Variants in ELAC2 observed in about 807,000 individuals in gnomAD.
ELAC2 encodes zinc phosphodiesterase ELAC protein 2.
Under a neutral mutation model 105.2 loss-of-function variants are expected in ELAC2, and 92 were observed. The observed-to-expected ratio is 0.87, with a 90% CI of 0.74 to 1.04. ELAC2 has a LOEUF of 1.04. ELAC2 is among the 50% of genes least tolerant of loss of function. The pLI is 0.00. For synonymous variants in ELAC2, 468 were observed against 409.1 expected (o/e 1.14, Z -1.74); for missense variants, 1,099 against 1,071.7 (o/e 1.03, Z -0.36).
chr17:13,013,092 T>C (rs912873710), intron 6 of ELAC2, 115 bp downstream of exon 6: 15 of 1,200,502 alleles, frequency 1.2e-5, no homozygotes, highest in Non-Finnish European at 1.7e-5. Flanking sequence ...TTTCTAATCA[T>C]GCTCAGAACA....
At position 13,002,540 on chromosome 17, in the gene ELAC2, G is replaced by T. The variant is rs1817778288; in HGVS notation, c.1119C>A (p.Asn373Lys). 8 of 1,605,864 alleles carry T rather than the reference G, an allele frequency of 5.0e-6. No homozygotes were observed. The highest frequency in any genetic ancestry group is 6.8e-6 in the Non-Finnish European group (8 of 1,175,508). ...PDTQHLVLNENCASVHNLRSH... is the reference protein window; with the variant it reads ...PDTQHLVLNEKCASVHNLRSH... ...TGCGAAGGTTGTGAACTGAGGCACA[G>T]TTCTCATTCAGGACCAAGTGCTGGG... is the stretch of plus-strand genomic sequence containing the variant. The change falls in exon 13 of 24, where the codon AAC (asparagine) becomes AAA (lysine). Residue 373 changes from asparagine (N) to lysine (K), a missense_variant. Transcript: ENST00000338034.
intron 19 of ELAC2, among the ~76,000 whole-genome samples, chr17:12,995,328 C>T (rs978724419): frequency 6.6e-6 from 1 of 152,162 alleles, no homozygotes; most frequent in Non-Finnish European, 1.5e-5. Flanking sequence ...GGACTCCTTC[C>T]CCTTGGGGTG....
Position 13,011,874 on chromosome 17 carries a change from C to T in ELAC2, c.560-92G>A, listed in dbSNP as rs2041435388. On this transcript the variant is annotated intron_variant, in intron 6 of 23. Coordinates refer to ENST00000338034, the MANE Select transcript of ELAC2 (RefSeq NM_018127.7). ...TTCATACATGGGAATGCCAGAACGC[C>T]AATTAAATCAGCACACCTTTTACTA... 9 of 1,589,342 alleles carry T rather than the reference C, an allele frequency of 5.7e-6. No individual in the cohort carries two copies. The South Asian group carries it at 1.0e-4, about 18-fold the overall frequency.
rs201299924 is a variant in ELAC2 at position 12,993,802 on chromosome 17, A to G, written c.2138T>C (p.Met713Thr). ...STTSQAISVG[M>T]RMNAEFIMLN... ...CATAATGAACTCCGCGTTCATCCGCATCCCCACGCTGATGGCTTGGGACGT... is the reference window on the plus strand; with the variant it reads ...CATAATGAACTCCGCGTTCATCCGCGTCCCCACGCTGATGGCTTGGGACGT... Residue 713 changes from methionine (M) to threonine (T), a missense_variant, in exon 23 of 24, where the codon ATG becomes ACG. By Grantham distance (81) the Met-to-Thr change is moderately conservative (BLOSUM62 -1). Coordinates refer to ENST00000338034, the MANE Select transcript of ELAC2 (RefSeq NM_018127.7). The G allele has an allele frequency of 1.2e-6, 2 of 1,614,188 alleles. No homozygotes were observed. Among genetic ancestry groups the G allele is most frequent in the East Asian group, 2.2e-5 (1 of 44,874 alleles).
rs761410635 is a variant in ELAC2 at position 12,992,992 on chromosome 17, G to A, written c.2307C>T (p.Ala769=). ...TMPKLIPPLK[A]LFAGDIEEME... Reference sequence around the variant, plus strand: ...TCTCCTCGATGTCGCCAGCAAACAGGGCTTTCAGTGGGGGAATCAGCTTGG... The same window carrying A: ...TCTCCTCGATGTCGCCAGCAAACAGAGCTTTCAGTGGGGGAATCAGCTTGG... Residue 769 remains alanine (A), a synonymous_variant, in exon 24 of 24, where the codon GCC becomes GCT. Transcript: ENST00000338034. The A allele has an allele frequency of 2.5e-6, 4 of 1,607,114 alleles. No individual in the cohort carries two copies. The South Asian group carries it at 3.3e-5, about 13-fold the overall frequency.
At chr17:12,996,029 T>G (rs1408661969) in intron 17 of ELAC2, 51 bp from the exon 18 acceptor site, 4 of 1,557,432 alleles carry the variant, frequency 2.6e-6, no homozygotes, top group Non-Finnish European at 3.5e-6. Flanking sequence ...GGCCATCCCC[T>G]CCGGGTTAGG....
chr17:12,996,541 A>T lies in ELAC2; in HGVS notation c.1659+6T>A. 6.2e-7 allele frequency: 1 copy of T among 1,613,732 alleles called. No individual in the cohort carries two copies. Among genetic ancestry groups the T allele is most frequent in the East Asian group, 2.2e-5 (1 of 44,872 alleles). On this transcript the variant is annotated splice_donor_region_variant and intron_variant, in intron 17 of 23. Coordinates refer to ENST00000338034, the MANE Select transcript of ELAC2 (RefSeq NM_018127.7). ...CTCCAGCTTTGTGGTCCAGCCCAAC[A>T]CTCACCGTGTGGTGATCTGCGTGCA... is the stretch of plus-strand genomic sequence containing the variant.
At chr17:13,011,631 T>C (rs2041416475) in intron 7 of ELAC2, 32 bp downstream of exon 7, 3 of 1,614,014 alleles carry the variant, frequency 1.9e-6, no homozygotes, top group Non-Finnish European at 2.5e-6. Context: ...AACGCAAGCC[T>C]TTCTGCTGCT....
intron 15 of ELAC2, 129 bp downstream of exon 15, chr17:13,000,027 A>C: frequency 1.2e-6 from 1 of 800,926 alleles, no homozygotes; most frequent in Non-Finnish European, 2.1e-6. Flanking sequence ...AGAGCTGAGT[A>C]GAGAAGCCCT....
chr17:13,016,971 A>T lies in ELAC2; in HGVS notation c.297-39T>A, dbSNP rs753395825. The T allele has an allele frequency of 3.1e-6, 5 of 1,613,426 alleles. No individual in the cohort carries two copies. The South Asian group carries it at 5.5e-5, about 18-fold the overall frequency. On this transcript the variant is annotated intron_variant, in intron 2 of 23. Coordinates refer to ENST00000338034, the MANE Select transcript of ELAC2 (RefSeq NM_018127.7). ...AACATTTAAACAGGATAACATGAAC[A>T]GAACAAGGACCACTTTTGCTATAAA...
At position 13,004,193 on chromosome 17, in the gene ELAC2, G is replaced by A. The variant is rs566078957; in HGVS notation, c.984-619C>T. 4.4e-5 allele frequency: 7 copies of A among 157,866 alleles called. No individual in the cohort carries two copies. The South Asian group carries it at 1.3e-3, about 29-fold the overall frequency. 9.8% of individuals were successfully genotyped at this position (157,866 alleles called of 1,614,324 possible). ...GCTCTCAAATGACACCTGATTCATTGAAGAGGTTTTGCTGCCCAAAACTGG... is the reference window on the plus strand; with the variant it reads ...GCTCTCAAATGACACCTGATTCATTAAAGAGGTTTTGCTGCCCAAAACTGG... On this transcript the variant is annotated intron_variant, in intron 11 of 23. Transcript: ENST00000338034.
In ELAC2 at chr17:12,992,804, G is replaced by A. The variant is rs1325772249; in HGVS notation, c.*14C>T. 3 of 1,611,362 alleles carry A rather than the reference G, an allele frequency of 1.9e-6. No individual in the cohort carries two copies. Among genetic ancestry groups the A allele is most frequent in the East Asian group, 2.2e-5 (1 of 44,852 alleles). On this transcript the variant is annotated 3_prime_UTR_variant, in exon 24 of 24. Transcript: ENST00000338034. Reference sequence around the variant, plus strand: ...AAGACACACAGCCTTCTGAGTTCAGGGTCTCCCAGATCTTCACTGGGCTCT... The same window carrying A: ...AAGACACACAGCCTTCTGAGTTCAGAGTCTCCCAGATCTTCACTGGGCTCT...
intron 18 of ELAC2, 26 bp from the exon 19 acceptor site, chr17:12,995,838 C>A (rs1359736382): frequency 3.1e-6 from 5 of 1,595,756 alleles, no homozygotes; most frequent in Non-Finnish European, 3.4e-6. Context: ...CAAGTGCCGA[C>A]TCGACGACAG....
At chr17:13,002,205 A>T in intron 14 of ELAC2, 69 bp downstream of exon 14, 1 of 1,514,958 alleles carries the variant, frequency 6.6e-7, no homozygotes, top group Non-Finnish European at 9.1e-7. Flanking sequence ...AACATTTACT[A>T]TGTGGCTATT....
chr17:13,000,131 G>A, intron 15 of ELAC2, 25 bp downstream of exon 15: 1 of 1,600,866 alleles, frequency 6.2e-7, no homozygotes, highest in East Asian at 2.2e-5. Flanking sequence ...AGGAAAGAAA[G>A]GCTGCTCTGT....
chr17:13,002,401 A>G, intron 13 of ELAC2, 40 bp downstream of exon 13: 1 of 1,614,116 alleles, frequency 6.2e-7, no homozygotes. Flanking sequence ...AAGAGAGGGG[A>G]CGAGAGCTGG....
intron 8 of ELAC2, among the ~76,000 whole-genome samples, chr17:13,009,152 A>G (rs2041270960): frequency 6.6e-6 from 1 of 152,246 alleles, no homozygotes; most frequent in African/African-American, 2.4e-5. Flanking sequence ...TAAGCCTGTT[A>G]ACAGTAGTAC....
intron 4 of ELAC2, among the ~76,000 whole-genome samples, chr17:13,015,239 G>T (rs1452575419): frequency 6.6e-6 from 1 of 152,190 alleles, no homozygotes; most frequent in Non-Finnish European, 1.5e-5. Context: ...AATAAGGAAG[G>T]CCTCAATAAG....
At chr17:13,003,375 G>A (rs1477049874) in intron 12 of ELAC2, 104 bp downstream of exon 12, 1 of 1,055,038 alleles carries the variant, frequency 9.5e-7, no homozygotes, top group Non-Finnish European at 1.5e-6. Context: ...GTTTAGGCAG[G>A]TGCAGAAGGG....
Sources: allele counts gnomAD v4.1 joint callset (sites outside exome capture counted in the v4.1 genomes callset), GRCh38; gene constraint gnomAD v4.1.1; transcripts MANE v1.5; gene names NCBI Gene and HGNC (gene_info 2026-07-23, HGNC 2026-07-21).